DMD: variants seen among roughly 807,000 people sequenced by gnomAD.
DMD encodes the protein dystrophin, also known as mutant dystrophin.
Under a neutral mutation model 330.1 loss-of-function variants are expected in DMD, and 63 were observed. The observed-to-expected ratio is 0.19, with a 90% CI of 0.16 to 0.24. DMD has a LOEUF of 0.24. DMD is among the 10% of genes least tolerant of loss of function. The pLI, the probability that DMD is intolerant of heterozygous loss-of-function variation, is 1.00. For synonymous variants in DMD, 1,223 were observed against 959.8 expected (o/e 1.27, Z -5.07); for missense variants, 3,344 against 2,684.1 (o/e 1.25, Z -5.43).
intron 18 of DMD, among the ~76,000 whole-genome samples, chrX:32,514,846 C>T (rs1224246583): frequency 8.9e-6 from 1 of 112,589 alleles, no homozygotes; most frequent in African/African-American, 3.2e-5. Context: ...AGAGAAACAA[C>T]AGCTTTTAGT....
chrX:32,315,125 A>C (rs1168268627), intron 41 of DMD, among the ~76,000 whole-genome samples: 1 of 111,902 alleles, frequency 8.9e-6, no homozygotes, highest in Non-Finnish European at 1.9e-5. Context: ...ATAGCAAAGA[A>C]TTGCAACCAA....
At chrX:31,977,966 A>C (rs1221853289) in intron 44 of DMD, among the ~76,000 whole-genome samples, 1 of 111,701 alleles carries the variant, frequency 9.0e-6, no homozygotes, top group Non-Finnish European at 1.9e-5. Flanking sequence ...ATTCATGTGA[A>C]TATCTAAAAG....
rs1271842140 is a variant in DMD, at chrX:32,778,817, TCTCC to T, written c.649+30672_649+30675del. On this transcript the variant is annotated intron_variant, in intron 7 of 78. Transcript: ENST00000357033. ...TGTGCACTCAGGTAATCCAGGTTAA[TCTCC>T]CTCCCTATTTTAAGATCAGCTAATT... is the stretch of plus-strand genomic sequence containing the variant. 6.3e-4 allele frequency among the ~76,000 whole-genome samples: 70 copies of T among 111,135 alleles called. 1 individual carries two copies. The highest frequency in any genetic ancestry group is 1.7e-4 in the Non-Finnish European group (9 of 53,094).
At chrX:32,832,138 CA>C (rs980189021) in intron 4 of DMD, among the ~76,000 whole-genome samples, 2 of 111,166 alleles carry the variant, frequency 1.8e-5, no homozygotes, top group Non-Finnish European at 3.8e-5. Flanking sequence ...GTGTAAAATA[CA>C]AGCATTTTTA....
At chrX:31,793,823 A>G (rs1358919390) in intron 50 of DMD, among the ~76,000 whole-genome samples, 1 of 112,115 alleles carries the variant, frequency 8.9e-6, no homozygotes, top group East Asian at 2.8e-4. Context: ...CCCTCTGTAT[A>G]TTTCTTTATT....
chrX:33,007,597 G>C (rs559361552), intron 2 of DMD, among the ~76,000 whole-genome samples: 3 of 111,330 alleles, frequency 2.7e-5, no homozygotes, highest in African/African-American at 9.7e-5. Context: ...CAAATATAGA[G>C]AACGTCAGAT....
At chrX:32,952,255 C>T (rs1383807970) in intron 2 of DMD, among the ~76,000 whole-genome samples, 1 of 109,887 alleles carries the variant, frequency 9.1e-6, no homozygotes, top group Non-Finnish European at 1.9e-5. Context: ...CGCCTCAGCT[C>T]CCCGAGTAGC....
chrX:32,147,726 A>G (rs187717049), intron 44 of DMD, among the ~76,000 whole-genome samples: 1 of 110,790 alleles, frequency 9.0e-6, no homozygotes, highest in Admixed American at 9.7e-5. Context: ...CCAAAATGTT[A>G]ATTCTGGTTT....
chrX:32,454,905 T>C, intron 25 of DMD, 73 bp from the exon 26 acceptor site: 1 of 1,113,315 alleles, frequency 9.0e-7, no homozygotes, highest in Non-Finnish European at 1.2e-6. Flanking sequence ...ATTTCATCAG[T>C]ATGTAAATAA....
chrX:31,304,988 A>C (rs1217669895), intron 62 of DMD, among the ~76,000 whole-genome samples: 2 of 111,832 alleles, frequency 1.8e-5, no homozygotes, highest in African/African-American at 6.5e-5. Flanking sequence ...GTTGACAAGC[A>C]ATTTTTTTTT....
intron 7 of DMD, among the ~76,000 whole-genome samples, chrX:32,716,596 C>T (rs745674110): frequency 1.8e-5 from 2 of 111,044 alleles, no homozygotes; most frequent in East Asian, 2.8e-4. Context: ...TACGAAGATA[C>T]ATGAGAACGT....
intron 4 of DMD, among the ~76,000 whole-genome samples, chrX:32,824,333 A>G (rs2078518601): frequency 8.9e-6 from 1 of 112,237 alleles, no homozygotes; most frequent in Non-Finnish European, 1.9e-5. Context: ...TATTTGTAAT[A>G]GCCCCAAACT....
chrX:32,269,455 C>A (rs1374994179), intron 43 of DMD, among the ~76,000 whole-genome samples: 1 of 112,010 alleles, frequency 8.9e-6, no homozygotes, highest in Non-Finnish European at 1.9e-5. Flanking sequence ...CATTCCTGCT[C>A]TAACACTTGC....
chrX:32,844,516 T>G lies in DMD; in HGVS notation c.264+267A>C, dbSNP rs139401722. 4.3e-3 allele frequency among the ~76,000 whole-genome samples: 479 copies of G among 111,495 alleles called. 7 individuals are homozygous for G. Among genetic ancestry groups the G allele is most frequent in the African/African-American group, 0.014 (441 of 30,757 alleles). ...AGGACTTTGTCCACCAAACACAGCT[T>G]CATGAAGTAAAATCTGAAAACAGGG... On this transcript the variant is annotated intron_variant, in intron 4 of 78. Transcript: ENST00000357033.
At chrX:32,598,506 T>G in intron 12 of DMD, among the ~76,000 whole-genome samples, 1 of 112,031 alleles carries the variant, frequency 8.9e-6, no homozygotes. Context: ...TTTCTGTCCT[T>G]CAATGAGTAT....
At chrX:32,821,620 AT>A (rs201287181) in intron 5 of DMD, among the ~76,000 whole-genome samples, 3,017 of 110,049 alleles carry the variant, frequency 0.027, 106 homozygotes, top group African/African-American at 0.09. Flanking sequence ...AAAATAAAAA[AT>A]AAAAAAATTC....
At position 31,478,971 on chromosome X, in the gene DMD, A is replaced by G. The variant is rs1346531807; in HGVS notation, c.8668+12T>C. 5.8e-6 allele frequency: 7 copies of G among 1,207,325 alleles called. No homozygotes were observed. Among genetic ancestry groups the G allele is most frequent in the Non-Finnish European group, 7.8e-6 (7 of 893,369 alleles). ...TCTATCAATATGTTATTATAGTTCC[A>G]CATTCAATTACCTCTGGGCTCCTGG... is the stretch of plus-strand genomic sequence containing the variant. On this transcript the variant is annotated intron_variant, in intron 58 of 78. Transcript: ENST00000357033.
chrX:31,432,372 G>A (rs2064153155), intron 60 of DMD, among the ~76,000 whole-genome samples: 1 of 111,678 alleles, frequency 9.0e-6, no homozygotes, highest in Non-Finnish European at 1.9e-5. Flanking sequence ...TCTTATAAAG[G>A]GAGAACAAAT....
intron 44 of DMD, among the ~76,000 whole-genome samples, chrX:31,972,127 G>T (rs1245634082): frequency 9.0e-6 from 1 of 111,510 alleles, no homozygotes. Flanking sequence ...AAAAAGAAAG[G>T]GGAGGTTACA....
Sources: allele counts gnomAD v4.1 joint callset (sites outside exome capture counted in the v4.1 genomes callset), GRCh38; gene constraint gnomAD v4.1.1; transcripts MANE v1.5; gene names NCBI Gene and HGNC (gene_info 2026-07-23, HGNC 2026-07-21).